The following TLK1 variants were observed in gnomAD, a reference collection of about 807,000 sequenced individuals.
TLK1 encodes tousled like kinase 1.
TLK1 carries 24 observed loss-of-function variants against 105.3 expected under a neutral mutation model. That is an observed-to-expected ratio of 0.23 (90% CI 0.17 to 0.32). The LOEUF (loss-of-function observed/expected upper bound fraction) is 0.32, where lower values mean the gene tolerates loss of function less well. Among genes scored for constraint, TLK1 ranks in the 10% least tolerant of loss-of-function variants. TLK1 has a pLI of 1.00. For missense variants in TLK1, 558 were observed against 910.5 expected, an observed-to-expected ratio of 0.61 and a Z score of 4.98; for synonymous variants, 321 against 310.4, an observed-to-expected ratio of 1.03 and a Z score of -0.36.
intron 3 of TLK1, 64 bp downstream of exon 3, chr2:171,082,717 C>T (rs1688806539): frequency 8.0e-7 from 1 of 1,256,718 alleles, no homozygotes; most frequent in Admixed American, 2.0e-5. Context: ...AAACAAAATA[C>T]TAATTAAAAC....
chr2:171,021,459 T>C (rs956058651), intron 12 of TLK1, among the ~76,000 whole-genome samples: 2 of 29,484 alleles, frequency 6.8e-5, no homozygotes, highest in African/African-American at 2.0e-4. Flanking sequence ...TTTTTTTTTT[T>C]TTTTTTTTTT....
At chr2:171,088,281 G>C (rs1237122203) in intron 2 of TLK1, among the ~76,000 whole-genome samples, 3 of 152,170 alleles carry the variant, frequency 2.0e-5, no homozygotes, top group Admixed American at 2.0e-4. Context: ...GCAGTGAGCT[G>C]TGACAGTGCC....
chr2:171,151,786 T>C (rs1245865471), intron 1 of TLK1, among the ~76,000 whole-genome samples: 1 of 150,876 alleles, frequency 6.6e-6, no homozygotes, highest in African/African-American at 2.4e-5. Flanking sequence ...TGTGTATCTT[T>C]AAGTAAATGA....
At chr2:171,042,162 T>C (rs1381441497) in intron 11 of TLK1, among the ~76,000 whole-genome samples, 2 of 152,206 alleles carry the variant, frequency 1.3e-5, no homozygotes, top group Non-Finnish European at 2.9e-5. Flanking sequence ...GTTAGCATCT[T>C]GGAAGACAAC....
intron 2 of TLK1, chr2:171,091,673 C>G (rs980753796): frequency 6.6e-6 from 1 of 152,116 alleles, no homozygotes; most frequent in Non-Finnish European, 1.5e-5. Context: ...GTTTGAATCT[C>G]AAAGGAATGA....
chr2:171,058,552 T>C (rs1687608234), intron 4 of TLK1, among the ~76,000 whole-genome samples: 1 of 152,160 alleles, frequency 6.6e-6, no homozygotes, highest in Admixed American at 6.5e-5. Context: ...CCTGTCAAAC[T>C]GACAGTAACA....
chr2:171,111,718 G>A (rs554594858), intron 2 of TLK1, among the ~76,000 whole-genome samples: 3 of 152,202 alleles, frequency 2.0e-5, no homozygotes, highest in South Asian at 4.2e-4. Flanking sequence ...ATAGTGAAAG[G>A]GGCCCAGTTC....
chr2:171,099,188 C>A (rs759039893), intron 2 of TLK1, among the ~76,000 whole-genome samples: 5 of 152,034 alleles, frequency 3.3e-5, no homozygotes, highest in Admixed American at 6.5e-5. Context: ...GACTAACACA[C>A]AAAAACCAAA....
At chr2:171,010,468 G>C (rs543916851) in intron 14 of TLK1, among the ~76,000 whole-genome samples, 1 of 152,134 alleles carries the variant, frequency 6.6e-6, no homozygotes, top group African/African-American at 2.4e-5. Flanking sequence ...AACTCAGGAA[G>C]AAAGTGTGAG....
intron 18 of TLK1, among the ~76,000 whole-genome samples, chr2:171,002,669 G>A (rs1201095442): frequency 1.3e-5 from 2 of 152,100 alleles, no homozygotes; most frequent in Non-Finnish European, 2.9e-5. Flanking sequence ...TTCTCACTCT[G>A]TTACCCAGGC....
At chr2:171,046,116 A>G in intron 11 of TLK1, 58 bp downstream of exon 11, 1 of 1,353,504 alleles carries the variant, frequency 7.4e-7, no homozygotes, top group Non-Finnish European at 9.8e-7. Flanking sequence ...ATCCATTAGT[A>G]ACATTCACGC....
At chr2:171,142,176 G>A (rs987793059) in intron 1 of TLK1, among the ~76,000 whole-genome samples, 2 of 150,926 alleles carry the variant, frequency 1.3e-5, no homozygotes, top group Admixed American at 1.3e-4. Flanking sequence ...ATTAAGCCAA[G>A]TTGGGGGGTG....
intron 3 of TLK1, chr2:171,081,763 G>A: frequency 8.1e-7 from 1 of 1,229,662 alleles, no homozygotes; most frequent in Non-Finnish European, 1.1e-6. Flanking sequence ...CCTTTGTAGT[G>A]TCAGGGTGCC....
At chr2:171,186,766 G>A (rs1693032078) in intron 1 of TLK1, among the ~76,000 whole-genome samples, 1 of 151,934 alleles carries the variant, frequency 6.6e-6, no homozygotes, top group Non-Finnish European at 1.5e-5. Flanking sequence ...AATGATAAAA[G>A]AATACTCTTT....
intron 1 of TLK1, among the ~76,000 whole-genome samples, chr2:171,187,656 T>A (rs958776745): frequency 2.6e-5 from 4 of 152,202 alleles, no homozygotes; most frequent in Admixed American, 6.5e-5. Context: ...ACATGATTTT[T>A]TAGGAAGCCA....
chr2:171,175,254 G>T (rs1054966120), intron 1 of TLK1, among the ~76,000 whole-genome samples: 1 of 151,684 alleles, frequency 6.6e-6, no homozygotes, highest in Admixed American at 6.6e-5. Flanking sequence ...TCAGCCCTCC[G>T]TATTCATGGT....
At chr2:171,177,333 T>G (rs1047145257) in intron 1 of TLK1, among the ~76,000 whole-genome samples, 1 of 148,200 alleles carries the variant, frequency 6.7e-6, no homozygotes. Context: ...GTAGAGATGG[T>G]TTTTTTGCCA....
chr2:171,139,809 AGGGGT>A (rs747626209), intron 1 of TLK1, among the ~76,000 whole-genome samples: 7 of 6,382 alleles, frequency 1.1e-3, no homozygotes, highest in Non-Finnish European at 1.5e-3. Flanking sequence ...TCCATGGACC[AGGGGT>A]GGGGTGGGGT....
intron 1 of TLK1, among the ~76,000 whole-genome samples, chr2:171,152,171 C>T (rs1283667790): frequency 1.3e-5 from 2 of 152,128 alleles, no homozygotes; most frequent in African/African-American, 4.8e-5. Flanking sequence ...CAAGGAAAAG[C>T]ACAAATTTAT....
Sources: gnomAD v4.1 joint callset for allele counts (sites outside exome capture counted in the v4.1 genomes callset) on GRCh38, gnomAD v4.1.1 for gene constraint, MANE v1.5 for transcripts, NCBI Gene and HGNC (gene_info 2026-07-23, HGNC 2026-07-21) for gene names.